The following PTK2B variants were observed in gnomAD, a reference collection of about 807,000 sequenced individuals.
PTK2B encodes the protein protein tyrosine kinase 2 beta, also known as protein-tyrosine kinase 2-beta.
PTK2B carries 71 observed loss-of-function variants against 142.9 expected under a neutral mutation model. That is an observed-to-expected ratio of 0.50 (90% CI 0.41 to 0.61). The LOEUF (loss-of-function observed/expected upper bound fraction) is 0.61, where lower values mean the gene tolerates loss of function less well. PTK2B is among the 20% of genes least tolerant of loss of function. The pLI is 0.00. For missense variants in PTK2B, 1,105 were observed against 1,320.4 expected (o/e 0.84, Z 2.53); for synonymous variants, 519 against 503.4 (o/e 1.03, Z -0.42).
At chr8:27,336,067 A>G (rs1046291334) in intron 1 of PTK2B, among the ~76,000 whole-genome samples, 1 of 152,090 alleles carries the variant, frequency 6.6e-6, no homozygotes. Context: ...GAATGGCTGT[A>G]GGTGCAAATG....
chr8:27,376,712 G>A (rs928293195), intron 1 of PTK2B, among the ~76,000 whole-genome samples: 3 of 152,156 alleles, frequency 2.0e-5, no homozygotes, highest in South Asian at 4.1e-4. Context: ...CCAGTGCCAC[G>A]ACAGTTTACA....
chr8:27,440,152 A>T, intron 20 of PTK2B, 85 bp from the exon 21 acceptor site: 1 of 1,385,976 alleles, frequency 7.2e-7, no homozygotes, highest in Non-Finnish European at 1.0e-6. Context: ...CTCCTGGTGG[A>T]GACTGAGTGC....
chr8:27,372,865 C>A (rs1171785432), intron 1 of PTK2B, among the ~76,000 whole-genome samples: 1 of 152,094 alleles, frequency 6.6e-6, no homozygotes, highest in East Asian at 1.9e-4. Context: ...TACTGTTTTG[C>A]AAATCTGCAC....
chr8:27,430,316 G>A (rs751871646), intron 6 of PTK2B, 48 bp from the exon 7 acceptor site: 2 of 1,612,482 alleles, frequency 1.2e-6, no homozygotes, highest in Non-Finnish European at 1.7e-6. Context: ...CAGTCCTGTG[G>A]TGGGGGTGAG....
chr8:27,451,131 G>C, intron 26 of PTK2B, 53 bp downstream of exon 26: 1 of 1,576,664 alleles, frequency 6.3e-7, no homozygotes, highest in African/African-American at 1.3e-5. Context: ...GGAAGGCCTC[G>C]CCCACCATAG....
intron 21 of PTK2B, among the ~76,000 whole-genome samples, 184 bp from the exon 22 acceptor site, chr8:27,442,691 G>A (rs1332263988): frequency 6.6e-6 from 1 of 152,138 alleles, no homozygotes; most frequent in East Asian, 1.9e-4. Flanking sequence ...TGGCCTCAGG[G>A]CCCATATCCA....
intron 3 of PTK2B, among the ~76,000 whole-genome samples, chr8:27,314,395 GC>G (rs1803048710): frequency 6.6e-6 from 1 of 152,196 alleles, no homozygotes; most frequent in Non-Finnish European, 1.5e-5. Flanking sequence ...ACCAGCCTGG[GC>G]AACATAGCAA....
intron 1 of PTK2B, among the ~76,000 whole-genome samples, chr8:27,378,615 G>C (rs1486596855): frequency 1.5e-5 from 1 of 66,126 alleles, no homozygotes; most frequent in South Asian, 6.9e-4. Context: ...GTGTGTGTGT[G>C]TGTGTGTGTG....
At chr8:27,378,629 G>C (rs1305964912) in intron 1 of PTK2B, among the ~76,000 whole-genome samples, 1 of 148,174 alleles carries the variant, frequency 6.7e-6, no homozygotes, top group South Asian at 2.1e-4. Flanking sequence ...GTGTGTGTGT[G>C]TGTGTGTGTG....
chr8:27,428,830 T>C (rs1201950402), intron 5 of PTK2B, among the ~76,000 whole-genome samples: 1 of 152,236 alleles, frequency 6.6e-6, no homozygotes, highest in Non-Finnish European at 1.5e-5. Context: ...TATTCAAAGA[T>C]ACCATTTATT....
intron 1 of PTK2B, among the ~76,000 whole-genome samples, chr8:27,352,270 A>C: frequency 6.6e-6 from 1 of 152,244 alleles, no homozygotes; most frequent in East Asian, 1.9e-4. Context: ...ATAAGCTGCC[A>C]AAGTGCTTTT....
intron 1 of PTK2B, among the ~76,000 whole-genome samples, chr8:27,373,142 T>C (rs1806463045): frequency 6.6e-6 from 1 of 151,992 alleles, no homozygotes; most frequent in South Asian, 2.1e-4. Flanking sequence ...CTGCTGCTTT[T>C]GGAGAAAAGA....
At chr8:27,408,498 G>A (rs1808860950) in intron 2 of PTK2B, among the ~76,000 whole-genome samples, 1 of 152,180 alleles carries the variant, frequency 6.6e-6, no homozygotes, top group East Asian at 1.9e-4. Flanking sequence ...GCATAAAAAT[G>A]GACAATTTCT....
intron 8 of PTK2B, 25 bp from the exon 9 acceptor site, chr8:27,431,373 A>G (rs1466717802): frequency 2.5e-6 from 4 of 1,614,164 alleles, no homozygotes; most frequent in Non-Finnish European, 8.5e-7. Flanking sequence ...CTCTGGAACA[A>G]CAGTCCACTC....
At position 27,437,765 on chromosome 8, in the gene PTK2B, C is replaced by T. The variant is rs1183781657; in HGVS notation, c.1528C>T (p.Leu510=). The change falls in exon 18 of 31, where the codon CTG becomes TTG. Residue 510 remains leucine, a splice_region_variant and synonymous_variant. Coordinates refer to ENST00000346049, the MANE Select transcript of PTK2B (RefSeq NM_173176.3). ...TGATGGCACCTCCCCATTCCTGCAG[C>T]TGGGCCACTACCTGGAGCGGAACAA... ...IIMELYPYGE[L]GHYLERNKNS... 6.2e-7 allele frequency: 1 copy of T among 1,608,894 alleles called. No homozygotes were observed. Among genetic ancestry groups the T allele is most frequent in the Non-Finnish European group, 8.5e-7 (1 of 1,178,142 alleles).
At chr8:27,429,829 C>G (rs1440870172) in intron 5 of PTK2B, among the ~76,000 whole-genome samples, 21 of 152,226 alleles carry the variant, frequency 1.4e-4, no homozygotes, top group Admixed American at 1.4e-3. Flanking sequence ...GAGCCACCAT[C>G]TTCCTCCTCA....
chr8:27,410,594 T>G (rs2131638080), intron 2 of PTK2B, among the ~76,000 whole-genome samples: 1 of 152,210 alleles, frequency 6.6e-6, no homozygotes, highest in Middle Eastern at 3.4e-3. Context: ...CCAAAAAGAT[T>G]AGGTATTTTA....
At chr8:27,374,108 A>C (rs1806521618) in intron 1 of PTK2B, among the ~76,000 whole-genome samples, 2 of 152,154 alleles carry the variant, frequency 1.3e-5, no homozygotes. Flanking sequence ...ACGCTGATAC[A>C]TAGGTGGTAA....
At position 27,453,229 on chromosome 8, in the gene PTK2B, A is replaced by G. The variant is rs927392014; in HGVS notation, c.2595+69A>G. Reference sequence around the variant, plus strand: ...TGCACAAAACTGAAGACCATGGTCTATGAAAGATTCACAGTTCTCAGATAG... The same window carrying G: ...TGCACAAAACTGAAGACCATGGTCTGTGAAAGATTCACAGTTCTCAGATAG... On this transcript the variant is annotated intron_variant, in intron 28 of 30. Coordinates refer to ENST00000346049, the MANE Select transcript of PTK2B (RefSeq NM_173176.3). 3.2e-6 allele frequency: 5 copies of G among 1,571,480 alleles called. No individual in the cohort carries two copies. In the African/African-American group the frequency reaches 4.0e-5, roughly 13 times the overall value.
Sources: gnomAD v4.1 joint callset for allele counts (sites outside exome capture counted in the v4.1 genomes callset) on GRCh38, gnomAD v4.1.1 for gene constraint, MANE v1.5 for transcripts, NCBI Gene and HGNC (gene_info 2026-07-23, HGNC 2026-07-21) for gene names.